Variants in PRKRA observed in about 807,000 individuals in gnomAD.
PRKRA encodes the protein interferon-inducible double-stranded RNA-dependent protein kinase activator A.
PRKRA carries 22 observed loss-of-function variants against 32.4 expected under a neutral mutation model. The observed-to-expected ratio is 0.68, with a 90% CI of 0.49 to 0.97. PRKRA has a LOEUF of 0.97. Ranked by LOEUF, PRKRA falls within the 50% of genes least tolerant of loss-of-function variation. The probability of loss-of-function intolerance (pLI) is 0.00; values close to 1 mark genes in which losing one functional copy is unlikely to be tolerated. For missense variants in PRKRA, 319 were observed against 375.6 expected (o/e 0.85, Z 1.25); for synonymous variants, 139 against 129.8 (o/e 1.07, Z -0.48).
At chr2:178,448,205 G>A (rs966956220) in intron 2 of PRKRA, among the ~76,000 whole-genome samples, 2 of 152,204 alleles carry the variant, frequency 1.3e-5, no homozygotes, top group Non-Finnish European at 2.9e-5. Flanking sequence ...GGGTAGCTAA[G>A]TTGGGACTGG....
intron 6 of PRKRA, among the ~76,000 whole-genome samples, chr2:178,437,685 G>GCCC: frequency 6.6e-6 from 1 of 152,240 alleles, no homozygotes; most frequent in East Asian, 1.9e-4. Context: ...CAACTGTCTT[G>GCCC]GAGGGGGCTT....
At chr2:178,450,495 G>A (rs1697540996) in intron 1 of PRKRA, 84 bp from the exon 2 acceptor site, 11 of 1,351,646 alleles carry the variant, frequency 8.1e-6, no homozygotes, top group South Asian at 1.4e-5. Flanking sequence ...AACCGCCACC[G>A]ACGGTGACGA....
intron 6 of PRKRA, chr2:178,438,823 C>G (rs1010107254): frequency 2.0e-5 from 3 of 152,154 alleles, no homozygotes; most frequent in Non-Finnish European, 4.4e-5. Context: ...GGACTACAGG[C>G]GCACGCCACC....
In PRKRA at chr2:178,451,092, C is replaced by T; in HGVS notation, c.-62G>A. ...GGTGCGGAGCGACGTGCTCGCTCCC[C>T]GGGTCGCTGGTCCCCGGGAGGAGCT... On this transcript the variant is annotated 5_prime_UTR_variant, in exon 1 of 8. Coordinates refer to ENST00000325748, the MANE Select transcript of PRKRA (RefSeq NM_003690.5). 2 of 1,514,362 alleles carry T rather than the reference C, an allele frequency of 1.3e-6. No homozygotes were observed. Among genetic ancestry groups the T allele is most frequent in the Admixed American group, 2.0e-5 (1 of 49,668 alleles). 93.8% of individuals were successfully genotyped at this position (1,514,362 alleles called of 1,614,324 possible).
At chr2:178,433,903 T>G (rs748545682) in intron 7 of PRKRA, 8 of 152,234 alleles carry the variant, frequency 5.3e-5, no homozygotes, top group Non-Finnish European at 1.0e-4. Context: ...CAAGAACTAT[T>G]TAGTTCTCAA....
At chr2:178,450,794 C>T (rs1331638699) in intron 1 of PRKRA, 172 bp downstream of exon 1, 9 of 1,339,106 alleles carry the variant, frequency 6.7e-6, no homozygotes, top group Middle Eastern at 2.8e-4. Context: ...GGGGCCCGGC[C>T]GCAGACCCCA....
intron 7 of PRKRA, among the ~76,000 whole-genome samples, chr2:178,434,752 G>A (rs925420264): frequency 6.6e-6 from 1 of 152,082 alleles, no homozygotes; most frequent in South Asian, 2.1e-4. Context: ...CCCAGGGTCA[G>A]GGGACCCTGA....
At chr2:178,448,710 G>A (rs533593245) in intron 2 of PRKRA, among the ~76,000 whole-genome samples, 47 of 152,348 alleles carry the variant, frequency 3.1e-4, no homozygotes, top group Admixed American at 2.4e-3. Context: ...GGTGGCCTAG[G>A]CAGTAGCAAT....
intron 2 of PRKRA, among the ~76,000 whole-genome samples, chr2:178,448,196 G>T (rs1398616022): frequency 6.6e-6 from 1 of 152,100 alleles, no homozygotes; most frequent in Non-Finnish European, 1.5e-5. Context: ...CTTCTGCATG[G>T]GTAGCTAAGT....
At chr2:178,440,039 A>C (rs1373229509) in intron 6 of PRKRA, 1 of 152,078 alleles carries the variant, frequency 6.6e-6, no homozygotes, top group Non-Finnish European at 1.5e-5. Context: ...AATAAATTTA[A>C]AAGTTTCCTT....
chr2:178,450,562 C>A, intron 1 of PRKRA, 151 bp from the exon 2 acceptor site: 1 of 1,526,670 alleles, frequency 6.6e-7, no homozygotes. Context: ...TGGGGCGCAC[C>A]TGTCTTCCGG....
chr2:178,439,141 T>C (rs1430182830), intron 6 of PRKRA: 1 of 152,220 alleles, frequency 6.6e-6, no homozygotes, highest in Non-Finnish European at 1.5e-5. Context: ...TAAATTGGGA[T>C]CTTCTATATT....
chr2:178,439,982 T>C (rs1461942411), intron 6 of PRKRA: 1 of 152,152 alleles, frequency 6.6e-6, no homozygotes, highest in Non-Finnish European at 1.5e-5. Context: ...TTTTTTTCTG[T>C]TGAACTTGCT....
At chr2:178,450,148 G>A in intron 2 of PRKRA, 94 bp downstream of exon 2, 1 of 1,507,604 alleles carries the variant, frequency 6.6e-7, no homozygotes, top group Non-Finnish European at 9.2e-7. Flanking sequence ...CCTCACAGCT[G>A]TCTGGCAAAA....
chr2:178,438,141 GTAT>G (rs1332575247), intron 6 of PRKRA, among the ~76,000 whole-genome samples: 1 of 152,170 alleles, frequency 6.6e-6, no homozygotes, highest in Non-Finnish European at 1.5e-5. Flanking sequence ...GTTGTCAAAT[GTAT>G]TAATCTTTTA....
In PRKRA at chr2:178,431,906, G is replaced by T; in HGVS notation, c.*191C>A. ...ACAAAGTTTATAAATACAGTATACT[G>T]ATACAAAGTTGAAGCCATTAAAAAG... On this transcript the variant is annotated 3_prime_UTR_variant, in exon 8 of 8. Coordinates refer to ENST00000325748, the MANE Select transcript of PRKRA (RefSeq NM_003690.5). 1 of 702,208 alleles carries T rather than the reference G, an allele frequency of 1.4e-6. No individual in the cohort carries two copies. Among genetic ancestry groups the T allele is most frequent in the South Asian group, 1.9e-5 (1 of 53,784 alleles). 43.5% of individuals were successfully genotyped at this position (702,208 alleles called of 1,614,324 possible).
intron 3 of PRKRA, 174 bp downstream of exon 3, chr2:178,447,331 T>C (rs916571594): frequency 4.2e-5 from 49 of 1,168,104 alleles, no homozygotes; most frequent in Non-Finnish European, 5.5e-5. Flanking sequence ...ATTGCTGGAT[T>C]TGATTGGATA....
intron 3 of PRKRA, 144 bp downstream of exon 3, chr2:178,447,360 GA>G: frequency 7.1e-7 from 1 of 1,400,430 alleles, no homozygotes; most frequent in South Asian, 1.3e-5. Flanking sequence ...TTTAATGGAT[GA>G]TAAGTTTTCA....
chr2:178,443,187 A>G, intron 5 of PRKRA, 80 bp downstream of exon 5: 6 of 814,126 alleles, frequency 7.4e-6, no homozygotes, highest in Non-Finnish European at 1.1e-5. Flanking sequence ...GAAATATTTG[A>G]AAACATTACG....
Sources: gnomAD v4.1 joint callset for allele counts (sites outside exome capture counted in the v4.1 genomes callset) on GRCh38, gnomAD v4.1.1 for gene constraint, MANE v1.5 for transcripts, NCBI Gene and HGNC (gene_info 2026-07-23, HGNC 2026-07-21) for gene names.